FEM1C: variants seen among roughly 807,000 people sequenced by gnomAD.
FEM1C encodes fem-1 homolog C.
In FEM1C, 15 loss-of-function variants were observed where a neutral mutation model predicts 37.6. The observed-to-expected ratio is 0.40, with a 90% CI of 0.27 to 0.61. The LOEUF (loss-of-function observed/expected upper bound fraction) is 0.61. Among genes scored for constraint, FEM1C ranks in the 20% least tolerant of loss-of-function variants. The probability of loss-of-function intolerance (pLI) is 0.42; values close to 1 mark genes in which losing one functional copy is unlikely to be tolerated. For synonymous variants in FEM1C, 287 were observed against 272.8 expected, an observed-to-expected ratio of 1.05 and a Z score of -0.51; for missense variants, 532 against 749.7, an observed-to-expected ratio of 0.71 and a Z score of 3.39.
Position 115,529,371 on chromosome 5 carries a change from G to A in FEM1C, c.545-3754C>T, listed in dbSNP as rs182935907. 4.5e-3 allele frequency among the ~76,000 whole-genome samples: 683 copies of A among 152,100 alleles called. 9 individuals are homozygous for A. Among genetic ancestry groups the A allele is most frequent in the African/African-American group, 0.015 (636 of 41,512 alleles). On this transcript the variant is annotated intron_variant, in intron 2 of 2. Coordinates refer to ENST00000274457, the MANE Select transcript of FEM1C (RefSeq NM_020177.3). ...TTTTCATCAGGAACAACAGAAACTA[G>A]GAGACAGTAAATGATATTTAAAAGC...
At position 115,543,278 on chromosome 5, in the gene FEM1C, G is replaced by A. The variant is rs780561900; in HGVS notation, c.216C>T (p.Gly72=). The A allele has an allele frequency of 1.2e-6, 2 of 1,614,148 alleles. No homozygotes were observed. Among genetic ancestry groups the A allele is most frequent in the East Asian group, 4.5e-5 (2 of 44,882 alleles). The change falls in exon 2 of 3, where the codon GGC becomes GGT. Residue 72 remains glycine, a synonymous_variant. Coordinates refer to ENST00000274457, the MANE Select transcript of FEM1C (RefSeq NM_020177.3). ...EQCSASIEVG[G]SVNFDGETIE... ...TGGTTTCGCCATCAAAATTGACGGAGCCCCCAACTTCTATGGAGGCACTGC... is the reference window on the plus strand; with the variant it reads ...TGGTTTCGCCATCAAAATTGACGGAACCCCCAACTTCTATGGAGGCACTGC...
chr5:115,531,711 A>G (rs1284572767), intron 2 of FEM1C, among the ~76,000 whole-genome samples: 4 of 152,078 alleles, frequency 2.6e-5, no homozygotes, highest in Non-Finnish European at 5.9e-5. Flanking sequence ...TTACTTTTGT[A>G]CTCTAAAATT....
chr5:115,537,048 TCA>T (rs1451156640), intron 2 of FEM1C, among the ~76,000 whole-genome samples: 9 of 151,974 alleles, frequency 5.9e-5, no homozygotes, highest in Non-Finnish European at 1.0e-4. Context: ...GTCCTCTAGT[TCA>T]CAGACTCCCT....
In FEM1C at chr5:115,524,955, C is replaced by T; in HGVS notation, c.1207G>A (p.Gly403Ser). 2 of 1,613,696 alleles carry T rather than the reference C, an allele frequency of 1.2e-6. No individual in the cohort carries two copies. The highest frequency in any genetic ancestry group is 3.3e-5 in the Admixed American group (2 of 59,900). ...MLQDRAKGLL[G>S]TTVTFDDLMG... ...AGATCATCAAATGTAACAGTAGTAC[C>T]CAGCAGGCCTTTAGCCCTATCCTGT... is the stretch of plus-strand genomic sequence containing the variant. Residue 403 changes from glycine to serine, a missense_variant, in exon 3 of 3, where the codon GGT (glycine) becomes AGT (serine). Physicochemically the swap from Gly to Ser is moderately conservative, Grantham distance 56. This residue lies in a region of FEM1C where 237 missense variants were observed against 260.5 expected (regional missense o/e 0.91). Transcript: ENST00000274457.
chr5:115,541,780 T>C (rs1323156259), intron 2 of FEM1C, among the ~76,000 whole-genome samples: 1 of 151,914 alleles, frequency 6.6e-6, no homozygotes, highest in Non-Finnish European at 1.5e-5. Context: ...GAAAAATAAA[T>C]AAAGATAAAA....
intron 2 of FEM1C, among the ~76,000 whole-genome samples, chr5:115,527,469 G>A (rs529048945): frequency 9.9e-5 from 15 of 152,178 alleles, no homozygotes; most frequent in African/African-American, 3.6e-4. Flanking sequence ...CAATGAGTAA[G>A]CTAACCAAGC....
At chr5:115,539,153 A>G (rs1034203047) in intron 2 of FEM1C, among the ~76,000 whole-genome samples, 2 of 152,088 alleles carry the variant, frequency 1.3e-5, no homozygotes, top group Admixed American at 6.6e-5. Flanking sequence ...AAACTGACTG[A>G]TGAATGAGGA....
In FEM1C at chr5:115,541,210, C is replaced by T. The variant is rs117293292; in HGVS notation, c.544+1740G>A. On this transcript the variant is annotated intron_variant, in intron 2 of 2. Transcript: ENST00000274457. ...AATATTAAAGATAACATTTATTAAG[C>T]TAAAAAACAGGTTATAGAACAGCAT... is the stretch of plus-strand genomic sequence containing the variant. 3.2e-4 allele frequency among the ~76,000 whole-genome samples: 49 copies of T among 151,926 alleles called. No individual in the cohort carries two copies. In the East Asian group the frequency reaches 8.9e-3, roughly 28 times the overall value.
chr5:115,537,773 G>C (rs186552363), intron 2 of FEM1C, among the ~76,000 whole-genome samples: 13 of 151,992 alleles, frequency 8.6e-5, no homozygotes, highest in East Asian at 5.8e-4. Context: ...GGTGTGCTGA[G>C]GTAACCAACA....
intron 2 of FEM1C, among the ~76,000 whole-genome samples, chr5:115,539,650 T>G (rs1453143299): frequency 6.6e-6 from 1 of 152,120 alleles, no homozygotes. Context: ...AAGAAAGTAC[T>G]ACTGTTGCAC....
rs757893998 is a variant in FEM1C at position 115,522,884 on chromosome 5, C to T, written c.*1424G>A. The T allele has an allele frequency of 6.6e-6, 1 of 152,128 alleles. No individual in the cohort carries two copies. The highest frequency in any genetic ancestry group is 1.5e-5 in the Non-Finnish European group (1 of 67,846). 9.4% of individuals were successfully genotyped at this position (152,128 alleles called of 1,614,324 possible). A position where few individuals can be genotyped will look rare whatever the true frequency, so the allele number is the denominator to read the frequency against. Reference sequence around the variant, plus strand: ...CCTGAATCTTTTTTAGTACTTTTCACTTATCTTAAGTTAAAAGAGCCCTTT... The same window carrying T: ...CCTGAATCTTTTTTAGTACTTTTCATTTATCTTAAGTTAAAAGAGCCCTTT... On this transcript the variant is annotated 3_prime_UTR_variant, in exon 3 of 3. Transcript: ENST00000274457.
intron 2 of FEM1C, among the ~76,000 whole-genome samples, chr5:115,531,538 C>T (rs910576501): frequency 5.3e-5 from 8 of 152,082 alleles, no homozygotes; most frequent in African/African-American, 1.9e-4. Context: ...CACTGTGCAT[C>T]TAACTCAGGG....
rs1580381555 is a variant in FEM1C at position 115,532,934 on chromosome 5, G to C, written c.545-7317C>G. ...GCTAGGAGAGGGGTTTAATGCAAAG[G>C]AGCATGAAGGACATTTTTGTTCTTA... On this transcript the variant is annotated intron_variant, in intron 2 of 2. Transcript: ENST00000274457. 2.6e-5 allele frequency among the ~76,000 whole-genome samples: 4 copies of C among 152,010 alleles called. No individual in the cohort carries two copies. The South Asian group carries it at 8.3e-4, about 31-fold the overall frequency.
chr5:115,542,706 A>T (rs1007077014), intron 2 of FEM1C, among the ~76,000 whole-genome samples: 2 of 152,230 alleles, frequency 1.3e-5, no homozygotes, highest in African/African-American at 4.8e-5. Flanking sequence ...TTTCCCAAGA[A>T]TTTTAAGTTA....
At position 115,524,503 on chromosome 5, in the gene FEM1C, A is replaced by C; in HGVS notation, c.1659T>G (p.His553Gln). 6.2e-7 allele frequency: 1 copy of C among 1,613,052 alleles called. No individual in the cohort carries two copies. Among genetic ancestry groups the C allele is most frequent in the Non-Finnish European group, 8.5e-7 (1 of 1,179,462 alleles). The change falls in exon 3 of 3, where the codon CAT (histidine) becomes CAG (glutamine). Residue 553 changes from histidine to glutamine, a missense_variant. By Grantham distance (24) the His-to-Gln change is conservative. Transcript: ENST00000274457. ...IMNLLIKSGA[H>Q]FDATNLHKQT... The stretch of plus-strand genomic sequence containing the variant: ...GTTTGTGCAAGTTTGTGGCATCAAA[A>C]TGTGCACCTGATTTAATAAGGAGAT...
intron 2 of FEM1C, among the ~76,000 whole-genome samples, chr5:115,534,587 G>C (rs1218296195): frequency 6.6e-6 from 1 of 151,830 alleles, no homozygotes; most frequent in Admixed American, 6.6e-5. Flanking sequence ...GATCAAGTCA[G>C]TTTCTAAACC....
chr5:115,530,344 A>G (rs1753988518), intron 2 of FEM1C, among the ~76,000 whole-genome samples: 1 of 152,122 alleles, frequency 6.6e-6, no homozygotes, highest in Non-Finnish European at 1.5e-5. Context: ...TACAGATATA[A>G]TAATTTTAAA....
chr5:115,535,284 T>TAAA lies in FEM1C; in HGVS notation c.544+7663_544+7665dup, dbSNP rs5870660. 4.6e-3 allele frequency among the ~76,000 whole-genome samples: 640 copies of TAAA among 139,994 alleles called. 8 individuals carry two copies. The highest frequency in any genetic ancestry group is 0.016 in the African/African-American group (593 of 38,238). 91.8% of individuals were successfully genotyped at this position (139,994 alleles called of 152,430 possible). A position where few individuals can be genotyped will look rare whatever the true frequency, so the allele number is the denominator to read the frequency against. On this transcript the variant is annotated intron_variant, in intron 2 of 2. Transcript: ENST00000274457. ...GTATAAACACCACCATCAAAAAAGT[T>TAAA]AAAAAAAAAAAAAACAAACACAGAA...
At chr5:115,529,537 A>G (rs535323008) in intron 2 of FEM1C, among the ~76,000 whole-genome samples, 1 of 152,224 alleles carries the variant, frequency 6.6e-6, no homozygotes, top group Admixed American at 6.5e-5. Context: ...TAAATACTAT[A>G]TGGTGTTCTT....
Sources: allele counts gnomAD v4.1 joint callset (sites outside exome capture counted in the v4.1 genomes callset), GRCh38; gene constraint gnomAD v4.1.1; regional missense constraint gnomAD v4.1.1; transcripts MANE v1.5; gene names NCBI Gene and HGNC (gene_info 2026-07-23, HGNC 2026-07-21).